Variants in OTUD7B observed in about 807,000 individuals in gnomAD.
The protein encoded by OTUD7B is OTU deubiquitinase 7B.
In OTUD7B, 34 loss-of-function variants were observed where a neutral mutation model predicts 82.2. That is an observed-to-expected ratio of 0.41 (90% confidence interval 0.31 to 0.55). The LOEUF is 0.55. Among genes scored for constraint, OTUD7B ranks in the 20% least tolerant of loss-of-function variants. The pLI, the probability that OTUD7B is intolerant of heterozygous loss-of-function variation, is 0.20. For synonymous variants in OTUD7B, 398 were observed against 402.7 expected (o/e 0.99, Z 0.14); for missense variants, 944 against 1,062.1 (o/e 0.89, Z 1.55).
chr1:150,059,114 T>C, the OTUD7B span, among the ~76,000 whole-genome samples: 2,740 of 144,162 alleles, frequency 0.019, 52 homozygotes, highest in Middle Eastern at 0.055. Flanking sequence ...AGTGCAGTGG[T>C]GTGATCTCGG....
At chr1:150,034,172 G>A in the OTUD7B span, among the ~76,000 whole-genome samples, 7 of 152,156 alleles carry the variant, frequency 4.6e-5, no homozygotes, top group African/African-American at 1.7e-4. Context: ...TCTCTAAGCA[G>A]TTATTACTAA....
the OTUD7B span, among the ~76,000 whole-genome samples, chr1:150,053,297 T>C: frequency 4.4e-3 from 669 of 152,288 alleles, 2 homozygotes; most frequent in Middle Eastern, 0.034. Flanking sequence ...AAAGGTCTAA[T>C]ATCCAGCATC....
intron 2 of OTUD7B, among the ~76,000 whole-genome samples, chr1:149,972,241 G>C (rs1553777773): frequency 6.6e-6 from 1 of 152,192 alleles, no homozygotes; most frequent in Admixed American, 6.5e-5. Flanking sequence ...AAAGCACTTA[G>C]AATAGTGGTT....
the OTUD7B span, among the ~76,000 whole-genome samples, chr1:150,037,058 C>T: frequency 1.8e-4 from 27 of 152,006 alleles, no homozygotes; most frequent in Middle Eastern, 3.2e-3. Flanking sequence ...TATGGCATGT[C>T]CTTTATTTAG....
At chr1:150,031,731 C>T in the OTUD7B span, among the ~76,000 whole-genome samples, 1 of 152,148 alleles carries the variant, frequency 6.6e-6, no homozygotes, top group Admixed American at 6.5e-5. Flanking sequence ...GGGCAAGTGA[C>T]TTAACCTGTC....
At chr1:149,958,804 G>A (rs587612934) in intron 7 of OTUD7B, among the ~76,000 whole-genome samples, 64 of 151,968 alleles carry the variant, frequency 4.2e-4, no homozygotes, top group East Asian at 3.1e-3. Context: ...GAGTGCAGGG[G>A]TGCTGTCACA....
the OTUD7B span, among the ~76,000 whole-genome samples, chr1:150,043,309 C>G: frequency 6.6e-6 from 1 of 151,852 alleles, no homozygotes; most frequent in Non-Finnish European, 1.5e-5. Context: ...TGTTAGGACC[C>G]GTGTCATATA....
intron 1 of OTUD7B, among the ~76,000 whole-genome samples, chr1:150,006,403 G>C (rs147801421): frequency 1.4e-3 from 217 of 152,312 alleles, no homozygotes; most frequent in Non-Finnish European, 1.9e-3. Context: ...CTTGCAGTAA[G>C]CTGAGATTGC....
chr1:150,028,984 T>A, the OTUD7B span, among the ~76,000 whole-genome samples: 3 of 151,324 alleles, frequency 2.0e-5, no homozygotes, highest in Non-Finnish European at 1.5e-5. Context: ...TGAATAATAT[T>A]CCATTGTGTA....
At chr1:149,948,895 A>G in intron 10 of OTUD7B, 74 bp downstream of exon 10, 1 of 1,009,600 alleles carries the variant, frequency 9.9e-7, no homozygotes, top group Non-Finnish European at 1.6e-6. Flanking sequence ...CTGAGGAAAA[A>G]TCCCTGGGAG....
At position 149,947,288 on chromosome 1, in the gene OTUD7B, A is replaced by G. The variant is rs1553772363; in HGVS notation, c.1286T>C (p.Met429Thr). 6 of 1,611,516 alleles carry G rather than the reference A, an allele frequency of 3.7e-6. No individual in the cohort carries two copies. The Admixed American group carries it at 1.0e-4, about 27-fold the overall frequency. The change falls in exon 11 of 12, where the codon ATG becomes ACG. Residue 429 changes from methionine to threonine, a missense_variant. Physicochemically the swap from Met to Thr is moderately conservative, Grantham distance 81. Coordinates refer to ENST00000581312, the MANE Select transcript of OTUD7B (RefSeq NM_020205.4). Reference protein sequence around the residue: ...EVKLHLLHSYMNVKWIPLSSD... With the variant: ...EVKLHLLHSYTNVKWIPLSSD... Reference sequence around the variant, plus strand: ...GGACAGTGGGATCCACTTCACATTCATGTAGCTATGCAGCAGATGCAATTT... The same window carrying G: ...GGACAGTGGGATCCACTTCACATTCGTGTAGCTATGCAGCAGATGCAATTT...
intron 1 of OTUD7B, among the ~76,000 whole-genome samples, chr1:150,001,288 A>T (rs1254501037): frequency 1.3e-5 from 2 of 152,200 alleles, no homozygotes; most frequent in African/African-American, 4.8e-5. Flanking sequence ...AAAATTGTAA[A>T]ATTAATAAAG....
rs191159807 is a variant in OTUD7B, at chr1:149,987,233, G to T, written c.-66-9657C>A. 6.9e-4 allele frequency among the ~76,000 whole-genome samples: 105 copies of T among 152,266 alleles called. 2 individuals carry two copies. Among genetic ancestry groups the T allele is most frequent in the African/African-American group, 2.5e-3 (104 of 41,564 alleles). ...TCAACCCAGCCCAGCTGACTCCAGA[G>T]AACATACGCTCACATACAATGCCAC... is the stretch of plus-strand genomic sequence containing the variant. On this transcript the variant is annotated intron_variant, in intron 1 of 11. Coordinates refer to ENST00000581312, the MANE Select transcript of OTUD7B (RefSeq NM_020205.4).
At chr1:150,007,291 C>T (rs781963578) in intron 1 of OTUD7B, among the ~76,000 whole-genome samples, 4 of 152,102 alleles carry the variant, frequency 2.6e-5, no homozygotes, top group African/African-American at 4.8e-5. Flanking sequence ...AAAAAATAGC[C>T]GCAAGGTCTG....
chr1:149,943,778 A>G lies in OTUD7B; in HGVS notation c.*79T>C, dbSNP rs1301900907. The G allele has an allele frequency of 4.3e-6, 6 of 1,398,196 alleles. No individual in the cohort carries two copies. The highest frequency in any genetic ancestry group is 5.0e-6 in the Non-Finnish European group (5 of 1,003,244). The allele number at this position is 1,398,196 out of a possible 1,614,324, so 86.6% of individuals were successfully genotyped here. ...ACATTACTGCATTTTCCCCCTCAAC[A>G]TGGGGACTGTGTTCTTGATGAGCCA... On this transcript the variant is annotated 3_prime_UTR_variant, in exon 12 of 12. Coordinates refer to ENST00000581312, the MANE Select transcript of OTUD7B (RefSeq NM_020205.4).
intron 9 of OTUD7B, 73 bp from the exon 10 acceptor site, chr1:149,949,156 C>G: frequency 1.1e-6 from 1 of 890,940 alleles, no homozygotes; most frequent in East Asian, 2.6e-5. Context: ...ACTTATTTCA[C>G]TAAAATCATA....
chr1:150,057,396 G>T, the OTUD7B span, among the ~76,000 whole-genome samples: 1 of 152,138 alleles, frequency 6.6e-6, no homozygotes, highest in Admixed American at 6.5e-5. Context: ...AGTTGAAAAA[G>T]TAACAATTTT....
rs1052613233 is a variant in OTUD7B, at chr1:149,939,196, C to T, written c.*4661G>A. 1 of 152,078 alleles carries T rather than the reference C, an allele frequency of 6.6e-6. No individual in the cohort carries two copies. Among genetic ancestry groups the T allele is most frequent in the Non-Finnish European group, 1.5e-5 (1 of 68,076 alleles). 9.4% of individuals were successfully genotyped at this position (152,078 alleles called of 1,614,324 possible). ...AGTAAAGGCTGCTGGGAGGGGCAGC[C>T]GGAGGAGGGAGGTGGAGCTGAGTGA... On this transcript the variant is annotated 3_prime_UTR_variant, in exon 12 of 12. Transcript: ENST00000581312.
chr1:150,053,401 CT>C, the OTUD7B span, among the ~76,000 whole-genome samples: 142 of 143,754 alleles, frequency 9.9e-4, no homozygotes, highest in Non-Finnish European at 9.5e-4. Context: ...CTTTTTTTTT[CT>C]TTTTTTTTTT....
Sources: gnomAD v4.1 joint callset for allele counts (sites outside exome capture counted in the v4.1 genomes callset) on GRCh38, gnomAD v4.1.1 for gene constraint, MANE v1.5 for transcripts, NCBI Gene and HGNC (gene_info 2026-07-23, HGNC 2026-07-21) for gene names.